The following CAMKMT variants were observed in gnomAD, a reference collection of about 807,000 sequenced individuals.
The protein encoded by CAMKMT is CaM KMT.
Under a neutral mutation model 48.0 loss-of-function variants are expected in CAMKMT, and 53 were observed. The observed-to-expected ratio is 1.10, with a 90% CI of 0.89 to 1.39. CAMKMT has a LOEUF of 1.39. CAMKMT is among the 40% of genes most tolerant of loss of function. CAMKMT has a pLI of 0.00. For synonymous variants in CAMKMT, 165 were observed against 152.3 expected (o/e 1.08, Z -0.61); for missense variants, 428 against 402.7 (o/e 1.06, Z -0.54).
intron 3 of CAMKMT, among the ~76,000 whole-genome samples, chr2:44,522,154 C>G (rs903782231): frequency 6.6e-6 from 1 of 152,114 alleles, no homozygotes; most frequent in South Asian, 2.1e-4. Flanking sequence ...CAGGCACATG[C>G]CACCACTCCT....
intron 3 of CAMKMT, among the ~76,000 whole-genome samples, chr2:44,540,024 G>C (rs532532115): frequency 1.2e-4 from 19 of 152,120 alleles, no homozygotes; most frequent in Middle Eastern, 3.4e-3. Flanking sequence ...TTCAGTTTTA[G>C]CATACATTGA....
chr2:44,733,311 A>C (rs1328779804), intron 7 of CAMKMT, among the ~76,000 whole-genome samples: 1 of 152,182 alleles, frequency 6.6e-6, no homozygotes, highest in East Asian at 1.9e-4. Context: ...AAACAGTATA[A>C]AATTGGAAAT....
Position 44,666,336 on chromosome 2 carries a change from C to G in CAMKMT, c.377-37947C>G, listed in dbSNP as rs1379737979. ...TTTCTGTTCTTTACCTGAAACATAA[C>G]TAAATTCTGCTTTTTCTTTATCAAC... On this transcript the variant is annotated intron_variant, in intron 3 of 10. Coordinates refer to ENST00000378494, the MANE Select transcript of CAMKMT (RefSeq NM_024766.5). Among the ~76,000 whole-genome samples, 6 of 152,254 alleles carry G rather than the reference C, an allele frequency of 3.9e-5. No homozygotes were observed. The East Asian group carries it at 1.2e-3, about 29-fold the overall frequency.
intron 3 of CAMKMT, among the ~76,000 whole-genome samples, chr2:44,678,629 C>G (rs1415948686): frequency 6.6e-6 from 1 of 152,200 alleles, no homozygotes; most frequent in Non-Finnish European, 1.5e-5. Context: ...AAAAAACGGA[C>G]AATACTACTC....
In CAMKMT at chr2:44,740,327, G is replaced by A. The variant is rs547950975; in HGVS notation, c.624-3295G>A. On this transcript the variant is annotated intron_variant, in intron 7 of 10. Transcript: ENST00000378494. ...GTATTTTTAGCAGCGAGGGGGTATCGCCATGTTGCCCAGGCTAGTCTCGAG... is the reference window on the plus strand; with the variant it reads ...GTATTTTTAGCAGCGAGGGGGTATCACCATGTTGCCCAGGCTAGTCTCGAG... Among the ~76,000 whole-genome samples, 9 of 151,872 alleles carry A rather than the reference G, an allele frequency of 5.9e-5. No homozygotes were observed. The East Asian group carries it at 1.4e-3, about 23-fold the overall frequency.
intron 3 of CAMKMT, among the ~76,000 whole-genome samples, chr2:44,395,523 C>T (rs1345157243): frequency 1.3e-5 from 2 of 151,964 alleles, no homozygotes; most frequent in African/African-American, 2.4e-5. Flanking sequence ...TGGGTCATTG[C>T]TCTGTTTTTA....
chr2:44,567,198 G>A (rs1028578822), intron 3 of CAMKMT, among the ~76,000 whole-genome samples: 29 of 152,160 alleles, frequency 1.9e-4, no homozygotes, highest in Non-Finnish European at 4.3e-4. Context: ...TCTTTCAGTA[G>A]TATTGGTTTG....
intron 2 of CAMKMT, among the ~76,000 whole-genome samples, chr2:44,374,602 C>T (rs1313035423): frequency 6.6e-6 from 1 of 152,192 alleles, no homozygotes; most frequent in Non-Finnish European, 1.5e-5. Flanking sequence ...TTCTTGAGAT[C>T]TTTCAAAGCA....
intron 3 of CAMKMT, among the ~76,000 whole-genome samples, chr2:44,663,113 T>A (rs1264139369): frequency 2.0e-5 from 3 of 152,178 alleles, no homozygotes; most frequent in Non-Finnish European, 2.9e-5. Context: ...ATGGTATAAT[T>A]ATAAAATCAG....
At chr2:44,432,430 T>G (rs1356155818) in intron 3 of CAMKMT, among the ~76,000 whole-genome samples, 1 of 152,146 alleles carries the variant, frequency 6.6e-6, no homozygotes, top group Non-Finnish European at 1.5e-5. Flanking sequence ...ATTTGGCAGA[T>G]CAGGAAGTGC....
intron 3 of CAMKMT, among the ~76,000 whole-genome samples, chr2:44,584,908 A>G (rs1023898532): frequency 5.9e-5 from 9 of 151,978 alleles, no homozygotes; most frequent in African/African-American, 2.2e-4. Context: ...CAAAAAAATT[A>G]TCCGGGCGTG....
intron 3 of CAMKMT, among the ~76,000 whole-genome samples, chr2:44,526,605 G>A (rs1671416453): frequency 6.6e-6 from 1 of 152,138 alleles, no homozygotes; most frequent in Admixed American, 6.5e-5. Flanking sequence ...CAAGAGGACG[G>A]ATGCCCCAGC....
intron 8 of CAMKMT, among the ~76,000 whole-genome samples, chr2:44,747,276 C>G (rs2104380172): frequency 6.6e-6 from 1 of 152,242 alleles, no homozygotes; most frequent in African/African-American, 2.4e-5. Flanking sequence ...GATTTTTAAG[C>G]TGATTTTGTG....
intron 3 of CAMKMT, among the ~76,000 whole-genome samples, chr2:44,569,600 C>G (rs1214715336): frequency 6.6e-6 from 1 of 152,120 alleles, no homozygotes; most frequent in Non-Finnish European, 1.5e-5. Flanking sequence ...CATCTCTTCT[C>G]TCAGTGTCCT....
chr2:44,621,141 G>A (rs1383345676), intron 3 of CAMKMT, among the ~76,000 whole-genome samples: 5 of 151,858 alleles, frequency 3.3e-5, no homozygotes, highest in Middle Eastern at 3.4e-3. Context: ...GGTGATGGGC[G>A]CTTGTAGTCC....
chr2:44,421,521 C>A (rs1297278730), intron 3 of CAMKMT, among the ~76,000 whole-genome samples: 1 of 151,974 alleles, frequency 6.6e-6, no homozygotes, highest in Non-Finnish European at 1.5e-5. Flanking sequence ...CATCGCTACT[C>A]ACAATAACAG....
chr2:44,364,465 G>A (rs6706090), intron 1 of CAMKMT, among the ~76,000 whole-genome samples: 1 of 151,980 alleles, frequency 6.6e-6, no homozygotes, highest in Non-Finnish European at 1.5e-5. Flanking sequence ...ATGTGATCAG[G>A]GTCTCTTTTT....
chr2:44,447,678 A>G (rs74581957), intron 3 of CAMKMT, among the ~76,000 whole-genome samples: 4 of 152,324 alleles, frequency 2.6e-5, no homozygotes, highest in Admixed American at 2.0e-4. Context: ...TACTTCTCAA[A>G]CAGTAATGTT....
chr2:44,538,928 T>A (rs553354210), intron 3 of CAMKMT, among the ~76,000 whole-genome samples: 1 of 150,398 alleles, frequency 6.6e-6, no homozygotes, highest in South Asian at 2.1e-4. Context: ...GCATCTACAC[T>A]TTTCTTTCTC....
Sources: allele counts gnomAD v4.1 joint callset (sites outside exome capture counted in the v4.1 genomes callset), GRCh38; gene constraint gnomAD v4.1.1; transcripts MANE v1.5; gene names NCBI Gene and HGNC (gene_info 2026-07-23, HGNC 2026-07-21).